Variants in FKBP6 observed in about 807,000 individuals in gnomAD.
The protein encoded by FKBP6 is FKBP prolyl isomerase family member 6 (inactive).
A neutral mutation model predicts 41.7 loss-of-function variants in FKBP6; 29 were observed. The observed-to-expected ratio is 0.70, with a 90% confidence interval of 0.52 to 0.95. The LOEUF (loss-of-function observed/expected upper bound fraction) is 0.95. FKBP6 is among the 40% of genes least tolerant of loss of function. FKBP6 has a pLI of 0.00. For synonymous variants in FKBP6, 130 were observed against 165.1 expected, an observed-to-expected ratio of 0.79 and a Z score of 1.63; for missense variants, 338 against 408.7, an observed-to-expected ratio of 0.83 and a Z score of 1.49.
chr7:73,342,912 C>G lies in FKBP6; in HGVS notation c.*2+13C>G. 1.3e-6 allele frequency: 2 copies of G among 1,582,922 alleles called. No individual in the cohort carries two copies. Among genetic ancestry groups the G allele is most frequent in the South Asian group, 1.1e-5 (1 of 90,476 alleles). ...GAGAAAGTTGAAGGTAATCAAAGGG[C>G]CAGGGTGGCACACAGGCTTCCGGAT... On this transcript the variant is annotated intron_variant, in intron 8 of 8. Transcript: ENST00000252037.
chr7:73,339,249 GT>G (rs2115883901), intron 5 of FKBP6: 1 of 152,300 alleles, frequency 6.6e-6, no homozygotes, highest in East Asian at 1.9e-4. Context: ...CTCCACTTTA[GT>G]TAATTTTTGC....
At chr7:73,331,799 G>A (rs782299797) in intron 5 of FKBP6, 23 bp downstream of exon 5, 51 of 1,609,360 alleles carry the variant, frequency 3.2e-5, no homozygotes, top group Non-Finnish European at 3.9e-5. Context: ...TGAAAGTTAA[G>A]TGTAAGTTTA....
intron 8 of FKBP6, among the ~76,000 whole-genome samples, chr7:73,350,227 G>A (rs1021283488): frequency 6.6e-6 from 1 of 152,188 alleles, no homozygotes; most frequent in Non-Finnish European, 1.5e-5. Context: ...GCCCAGAGTG[G>A]AAGTGTCATC....
intron 8 of FKBP6, among the ~76,000 whole-genome samples, chr7:73,344,658 C>T (rs1310031279): frequency 6.6e-6 from 1 of 152,090 alleles, no homozygotes; most frequent in Non-Finnish European, 1.5e-5. Flanking sequence ...AATCTTGGCT[C>T]ACTGCAGCCT....
chr7:73,328,656 G>T lies in FKBP6; in HGVS notation c.139G>T (p.Ala47Ser). The T allele has an allele frequency of 6.2e-7, 1 of 1,611,908 alleles. No homozygotes were observed. The highest frequency in any genetic ancestry group is 8.5e-7 in the Non-Finnish European group (1 of 1,179,834). Residue 47 changes from alanine to serine, a missense_variant, in exon 2 of 9, where the codon GCT (alanine) becomes TCT (serine). By Grantham distance (99) the Ala-to-Ser change is moderately conservative. Transcript: ENST00000252037. The part of the protein sequence containing the change: ...GVLKDVIREG[A>S]GDLVAPDASV... ...GCTGAAGGACGTCATCCGAGAAGGA[G>T]CTGGAGACCTAGTGGCGCCTGATGC...
intron 5 of FKBP6, chr7:73,339,176 G>T (rs1805096863): frequency 1.3e-5 from 2 of 152,150 alleles, no homozygotes; most frequent in African/African-American, 2.4e-5. Context: ...CCAATTTTTA[G>T]TATATGTGCT....
At chr7:73,352,938 A>G (rs782254970) in intron 8 of FKBP6, among the ~76,000 whole-genome samples, 5 of 152,154 alleles carry the variant, frequency 3.3e-5, no homozygotes, top group Non-Finnish European at 7.4e-5. Context: ...GCTGAATATC[A>G]TGGCCATGAA....
chr7:73,333,087 C>T (rs368992065), intron 5 of FKBP6, among the ~76,000 whole-genome samples: 12 of 152,218 alleles, frequency 7.9e-5, no homozygotes, highest in South Asian at 4.1e-4. Context: ...GCCTGGGCAA[C>T]GTGGCGAAAC....
At chr7:73,346,726 A>G (rs1422245421) in intron 8 of FKBP6, among the ~76,000 whole-genome samples, 1 of 152,170 alleles carries the variant, frequency 6.6e-6, no homozygotes, top group African/African-American at 2.4e-5. Flanking sequence ...ACCTACTGGC[A>G]AGAGCGGAAG....
At chr7:73,329,864 A>C in intron 3 of FKBP6, 1 of 546,842 alleles carries the variant, frequency 1.8e-6, no homozygotes, top group Non-Finnish European at 3.3e-6. Context: ...TGGGAGGTGA[A>C]AGCAGTGTTG....
intron 8 of FKBP6, among the ~76,000 whole-genome samples, chr7:73,353,801 T>C (rs1289774726): frequency 6.6e-6 from 1 of 151,794 alleles, no homozygotes; most frequent in Non-Finnish European, 1.5e-5. Context: ...TGGCACGACC[T>C]CAGCTCACTG....
In FKBP6 at chr7:73,331,692, G is replaced by A; in HGVS notation, c.504G>A (p.Leu168=). 1 of 1,613,810 alleles carries A rather than the reference G, an allele frequency of 6.2e-7. No individual in the cohort carries two copies. Among genetic ancestry groups the A allele is most frequent in the Non-Finnish European group, 8.5e-7 (1 of 1,179,702 alleles). The change falls in exon 5 of 9, where the codon CTG becomes CTA. Residue 168 remains leucine (L), a synonymous_variant. Transcript: ENST00000252037. The part of the protein sequence containing the change: ...QQDQFPLQKV[L]KVAATEREFG... Reference sequence around the variant, plus strand: ...ACCAATTTCCACTTCAGAAGGTCCTGAAAGTGGCAGCTACGGAACGGGAGT... The same window carrying A: ...ACCAATTTCCACTTCAGAAGGTCCTAAAAGTGGCAGCTACGGAACGGGAGT...
At chr7:73,328,981 A>G (rs1373809677) in intron 2 of FKBP6, among the ~76,000 whole-genome samples, 2 of 151,686 alleles carry the variant, frequency 1.3e-5, no homozygotes, top group African/African-American at 2.4e-5. Flanking sequence ...AATTTTTAAT[A>G]TTTTTGTAGA....
intron 8 of FKBP6, among the ~76,000 whole-genome samples, chr7:73,356,424 G>C (rs1805634986): frequency 6.6e-6 from 1 of 152,212 alleles, no homozygotes; most frequent in South Asian, 2.1e-4. Flanking sequence ...GACCTCTCCA[G>C]TGGCTGTACC....
At chr7:73,355,795 G>A (rs1554551853) in intron 8 of FKBP6, among the ~76,000 whole-genome samples, 3 of 151,942 alleles carry the variant, frequency 2.0e-5, no homozygotes, top group Admixed American at 6.6e-5. Context: ...AGCCGGGTGC[G>A]ATGGCTCACA....
Position 73,328,351 on chromosome 7 carries a change from C to T in FKBP6, c.-78C>T. The stretch of plus-strand genomic sequence containing the variant: ...CCGGGCATAAAGGGGCCTTCGGAAC[C>T]CCACCAGAGTCACAGCCAGGGAGGG... On this transcript the variant is annotated 5_prime_UTR_variant, in exon 1 of 9. Transcript: ENST00000252037. The T allele has an allele frequency of 6.4e-7, 1 of 1,557,530 alleles. No individual in the cohort carries two copies. The highest frequency in any genetic ancestry group is 8.7e-7 in the Non-Finnish European group (1 of 1,151,322).
rs1311490208 is a variant in FKBP6, at chr7:73,341,400, GA to G, written c.893+19del. ...CTGGCTAGGTGAGCTGTGTTTGCAG[GA>G]GCATGAAGAGAGATGGGTGGGGTTG... On this transcript the variant is annotated intron_variant, in intron 7 of 8. Transcript: ENST00000252037. 7.1e-7 allele frequency: 1 copy of G among 1,415,700 alleles called. No homozygotes were observed. The highest frequency in any genetic ancestry group is 1.0e-6 in the Non-Finnish European group (1 of 999,590). The allele number at this position is 1,415,700 out of a possible 1,614,324, so 87.7% of individuals were successfully genotyped here. A position where few individuals can be genotyped will look rare whatever the true frequency, so the allele number is the denominator to read the frequency against.
At chr7:73,350,323 G>T (rs1389214547) in intron 8 of FKBP6, among the ~76,000 whole-genome samples, 1 of 152,154 alleles carries the variant, frequency 6.6e-6, no homozygotes, top group East Asian at 1.9e-4. Context: ...TTCTGCCTCA[G>T]ATTGGGGAAG....
chr7:73,352,599 A>G (rs118143362), intron 8 of FKBP6, among the ~76,000 whole-genome samples: 3,157 of 152,240 alleles, frequency 0.021, 52 homozygotes, highest in South Asian at 0.042. Flanking sequence ...TGACTGTCAT[A>G]CTTTTGATGC....
Sources: allele counts gnomAD v4.1 joint callset (sites outside exome capture counted in the v4.1 genomes callset), GRCh38; gene constraint gnomAD v4.1.1; transcripts MANE v1.5; gene names NCBI Gene and HGNC (gene_info 2026-07-23, HGNC 2026-07-21).